Variants in HELQ observed in about 807,000 individuals in gnomAD.
HELQ encodes helicase, POLQ like.
In HELQ, 77 loss-of-function variants were observed where a neutral mutation model predicts 111.6. That is an observed-to-expected ratio of 0.69 (90% CI 0.57 to 0.83). HELQ has a LOEUF of 0.83. Ranked by LOEUF, HELQ falls within the 40% of genes least tolerant of loss-of-function variation. The probability of loss-of-function intolerance (pLI) is 0.00; values close to 1 mark genes in which losing one functional copy is unlikely to be tolerated. For missense variants in HELQ, 1,200 were observed against 1,288.5 expected, an observed-to-expected ratio of 0.93 and a Z score of 1.05; for synonymous variants, 438 against 454.7, an observed-to-expected ratio of 0.96 and a Z score of 0.47.
At chr4:83,416,550 GT>G (rs1739368800) in intron 17 of HELQ, among the ~76,000 whole-genome samples, 180 bp downstream of exon 17, 1 of 151,764 alleles carries the variant, frequency 6.6e-6, no homozygotes, top group African/African-American at 2.4e-5. Context: ...TCCTTTTTTT[GT>G]TTTGCAAGGC....
chr4:83,417,900 T>C (rs765926831), intron 16 of HELQ, among the ~76,000 whole-genome samples, 193 bp downstream of exon 16: 6 of 152,024 alleles, frequency 3.9e-5, no homozygotes, highest in Admixed American at 2.0e-4. Flanking sequence ...TTTCATCAGG[T>C]ATGCCATCTA....
intron 8 of HELQ, among the ~76,000 whole-genome samples, chr4:83,438,275 G>A (rs1720567015): frequency 6.6e-6 from 1 of 152,144 alleles, no homozygotes; most frequent in African/African-American, 2.4e-5. Flanking sequence ...CCACACATGG[G>A]ACAAACAGGT....
intron 2 of HELQ, 194 bp downstream of exon 2, chr4:83,453,037 T>C (rs962468465): frequency 1.2e-4 from 62 of 512,994 alleles, no homozygotes; most frequent in African/African-American, 1.0e-3. Context: ...GTTTGATAAG[T>C]GTGACTGTGA....
intron 12 of HELQ, among the ~76,000 whole-genome samples, chr4:83,428,772 C>T (rs1430400466): frequency 6.6e-6 from 1 of 151,628 alleles, no homozygotes; most frequent in African/African-American, 2.4e-5. Flanking sequence ...CGAGATTTTG[C>T]CTCCATATTT....
At chr4:83,422,363 A>G (rs1338508508) in intron 14 of HELQ, among the ~76,000 whole-genome samples, 2 of 152,256 alleles carry the variant, frequency 1.3e-5, no homozygotes, top group African/African-American at 4.8e-5. Flanking sequence ...AACCCCTGGT[A>G]CCTGTGAATG....
At chr4:83,417,205 T>C (rs1385478430) in intron 16 of HELQ, among the ~76,000 whole-genome samples, 1 of 151,294 alleles carries the variant, frequency 6.6e-6, no homozygotes, top group Non-Finnish European at 1.5e-5. Context: ...TCTTTTCTTT[T>C]CTTTTTTTTT....
chr4:83,431,817 A>T, intron 10 of HELQ, 49 bp from the exon 11 acceptor site: 2 of 726,022 alleles, frequency 2.8e-6, no homozygotes, highest in Non-Finnish European at 4.1e-6. Context: ...TTAAAAATAA[A>T]TGGTATTTAA....
In HELQ at chr4:83,427,733, T is replaced by C. The variant is rs374521207; in HGVS notation, c.2519-13A>G. 6.8e-5 allele frequency: 100 copies of C among 1,478,882 alleles called. 1 individual carries two copies. The highest frequency in any genetic ancestry group is 3.6e-4 in the Middle Eastern group (2 of 5,574). 91.6% of individuals were successfully genotyped at this position (1,478,882 alleles called of 1,614,324 possible). On this transcript the variant is annotated splice_polypyrimidine_tract_variant and intron_variant, in intron 12 of 17. Transcript: ENST00000295488. ...AAATCTATAGTTCCTAAAAGAAAGA[T>C]ACAAATATTCAATCTTTCACAATTA...
chr4:83,455,161 A>C lies in HELQ; in HGVS notation c.297+236T>G, dbSNP rs1159188668. The C allele has an allele frequency of 1.2e-5, 8 of 679,450 alleles. No individual in the cohort carries two copies. The East Asian group carries it at 1.6e-4, about 14-fold the overall frequency. The allele number at this position is 679,450 out of a possible 1,614,324, so 42.1% of individuals were successfully genotyped here. ...AGGAGCTGCAGTTATCTGGAAGCCT[A>C]GATTTGTGTCTCAGTCATGCCACTT... On this transcript the variant is annotated intron_variant, in intron 1 of 17. Coordinates refer to ENST00000295488, the MANE Select transcript of HELQ (RefSeq NM_133636.5).
chr4:83,419,728 T>C (rs1739564103), intron 15 of HELQ, among the ~76,000 whole-genome samples: 1 of 151,960 alleles, frequency 6.6e-6, no homozygotes, highest in Non-Finnish European at 1.5e-5. Context: ...AGAAAATACA[T>C]TTTAAAGGCT....
At position 83,436,905 on chromosome 4, in the gene HELQ, A is replaced by G. The variant is rs375051270; in HGVS notation, c.2001T>C (p.Phe667=). ...CTGCCGCTAGGGTAGATGTGCAGGT[A>G]AAAAGACAGAGCACTCCTGTGGAGT... ...EAYSTGVLCL[F]TCTSTLAAGV... is the part of the protein sequence containing the mutation. Residue 667 remains phenylalanine, a synonymous_variant, in exon 9 of 18, where the codon TTT becomes TTC. Coordinates refer to ENST00000295488, the MANE Select transcript of HELQ (RefSeq NM_133636.5). 228 of 1,614,060 alleles carry G rather than the reference A, an allele frequency of 1.4e-4. No homozygotes were observed. The highest frequency in any genetic ancestry group is 1.8e-4 in the Non-Finnish European group (217 of 1,180,010).
chr4:83,449,052 G>A, intron 2 of HELQ, 91 bp from the exon 3 acceptor site: 1 of 892,976 alleles, frequency 1.1e-6, no homozygotes, highest in Non-Finnish European at 1.7e-6. Context: ...ATCCCTTCCT[G>A]TGGAGCAATC....
chr4:83,453,206 T>G (rs896423729), intron 2 of HELQ, 25 bp downstream of exon 2: 1 of 1,495,280 alleles, frequency 6.7e-7, no homozygotes, highest in South Asian at 1.2e-5. Context: ...GAAAAAAATT[T>G]TTTTATTCCA....
intron 9 of HELQ, among the ~76,000 whole-genome samples, chr4:83,434,562 A>G (rs1270153488): frequency 2.6e-5 from 4 of 151,972 alleles, no homozygotes; most frequent in Non-Finnish European, 4.4e-5. Context: ...TCCTGGGCTC[A>G]AGCAATCTTC....
At chr4:83,426,167 A>T in intron 13 of HELQ, 75 bp from the exon 14 acceptor site, 1 of 751,644 alleles carries the variant, frequency 1.3e-6, no homozygotes, top group South Asian at 1.6e-5. Flanking sequence ...ATTTCTTTTG[A>T]TATCACATTC....
chr4:83,416,964 C>A, intron 16 of HELQ, 99 bp from the exon 17 acceptor site: 1 of 1,021,254 alleles, frequency 9.8e-7, no homozygotes, highest in Non-Finnish European at 1.4e-6. Flanking sequence ...ATGTAAGAGA[C>A]TGGGATAAAA....
intron 15 of HELQ, among the ~76,000 whole-genome samples, chr4:83,421,314 A>G (rs552523835): frequency 6.6e-6 from 1 of 152,344 alleles, no homozygotes; most frequent in South Asian, 2.1e-4. Context: ...AGTTGGGTCA[A>G]AAAGACACTT....
chr4:83,439,422 C>T (rs749709128), intron 8 of HELQ, among the ~76,000 whole-genome samples: 1 of 144,800 alleles, frequency 6.9e-6, no homozygotes, highest in Non-Finnish European at 1.5e-5. Context: ...TGCAGTAGTG[C>T]GATCTCAGCT....
intron 9 of HELQ, among the ~76,000 whole-genome samples, chr4:83,435,820 G>A (rs888530720): frequency 1.3e-5 from 2 of 151,992 alleles, no homozygotes; most frequent in African/African-American, 4.8e-5. Flanking sequence ...AATAAAAAAT[G>A]TTTGGTTACA....
Sources: gnomAD v4.1 joint callset for allele counts (sites outside exome capture counted in the v4.1 genomes callset) on GRCh38, gnomAD v4.1.1 for gene constraint, MANE v1.5 for transcripts, NCBI Gene and HGNC (gene_info 2026-07-23, HGNC 2026-07-21) for gene names.